The following SSBP2 variants were observed in gnomAD, a reference collection of about 807,000 sequenced individuals.
SSBP2 encodes the protein single-stranded DNA-binding protein 2.
In SSBP2, 17 loss-of-function variants were observed where a neutral mutation model predicts 61.8. That is an observed-to-expected ratio of 0.28 (90% CI 0.19 to 0.41). The LOEUF is 0.41. SSBP2 is among the 10% of genes least tolerant of loss of function. The probability of loss-of-function intolerance (pLI) is 1.00; values close to 1 mark genes in which losing one functional copy is unlikely to be tolerated. For synonymous variants in SSBP2, 139 were observed against 141.3 expected, an observed-to-expected ratio of 0.98 and a Z score of 0.12; for missense variants, 310 against 458.7, an observed-to-expected ratio of 0.68 and a Z score of 2.96.
chr5:81,515,908 C>A (rs1452067270), intron 4 of SSBP2, among the ~76,000 whole-genome samples: 1 of 151,338 alleles, frequency 6.6e-6, no homozygotes, highest in Non-Finnish European at 1.5e-5. Context: ...TTAATAAATT[C>A]AATAAGAATA....
At chr5:81,606,181 C>T (rs1245266601) in intron 4 of SSBP2, among the ~76,000 whole-genome samples, 1 of 152,086 alleles carries the variant, frequency 6.6e-6, no homozygotes, top group Non-Finnish European at 1.5e-5. Context: ...CTATTAAAAC[C>T]TCACAGGCAC....
chr5:81,467,113 G>A (rs1168372072), intron 8 of SSBP2, 48 bp from the exon 9 acceptor site: 1 of 1,253,896 alleles, frequency 8.0e-7, no homozygotes, highest in Non-Finnish European at 1.1e-6. Flanking sequence ...GGGAAAGAAA[G>A]GAGAGCACGT....
chr5:81,612,056 G>A (rs1241377293), intron 4 of SSBP2, among the ~76,000 whole-genome samples: 2 of 152,162 alleles, frequency 1.3e-5, no homozygotes, highest in Non-Finnish European at 2.9e-5. Context: ...GGAGGTGACA[G>A]ATAAGTTTAT....
At chr5:81,514,424 T>C (rs1768851271) in intron 4 of SSBP2, among the ~76,000 whole-genome samples, 1 of 152,098 alleles carries the variant, frequency 6.6e-6, no homozygotes. Context: ...AATAGGAGTA[T>C]GAAAAACTTT....
intron 3 of SSBP2, among the ~76,000 whole-genome samples, chr5:81,622,196 G>C (rs1746653636): frequency 6.6e-6 from 1 of 150,586 alleles, no homozygotes; most frequent in Non-Finnish European, 1.5e-5. Flanking sequence ...AAGTGAAGCA[G>C]ACTGGGGGGG....
At chr5:81,496,873 A>G (rs999733333) in intron 5 of SSBP2, among the ~76,000 whole-genome samples, 2 of 152,208 alleles carry the variant, frequency 1.3e-5, no homozygotes, top group Admixed American at 6.5e-5. Flanking sequence ...TTTTATGGTC[A>G]GTTGGTCACA....
intron 16 of SSBP2, 36 bp from the exon 17 acceptor site, chr5:81,420,569 T>G: frequency 6.3e-7 from 1 of 1,581,648 alleles, no homozygotes; most frequent in Non-Finnish European, 8.7e-7. Context: ...TTAACAACAA[T>G]TCTTTTAGAG....
At chr5:81,469,764 T>C (rs1008917292) in intron 8 of SSBP2, among the ~76,000 whole-genome samples, 8 of 151,964 alleles carry the variant, frequency 5.3e-5, no homozygotes, top group African/African-American at 1.9e-4. Context: ...ATTTAGTGAA[T>C]AATCTAAAGC....
chr5:81,521,952 T>G (rs1309321925), intron 4 of SSBP2, among the ~76,000 whole-genome samples: 1 of 152,024 alleles, frequency 6.6e-6, no homozygotes, highest in South Asian at 2.1e-4. Context: ...CATGGGAAAC[T>G]AGTACACTTG....
intron 1 of SSBP2, among the ~76,000 whole-genome samples, chr5:81,675,950 T>C (rs1013895245): frequency 6.6e-6 from 1 of 152,154 alleles, no homozygotes; most frequent in Admixed American, 6.6e-5. Flanking sequence ...TCAGACCCAC[T>C]ACGTCAGTCA....
At chr5:81,573,966 C>T (rs1457517728) in intron 4 of SSBP2, among the ~76,000 whole-genome samples, 3 of 151,998 alleles carry the variant, frequency 2.0e-5, no homozygotes, top group Non-Finnish European at 4.4e-5. Context: ...TGGTGAAACC[C>T]TGTCTCTACT....
intron 4 of SSBP2, among the ~76,000 whole-genome samples, chr5:81,585,008 A>G (rs1404366089): frequency 6.6e-6 from 1 of 152,144 alleles, no homozygotes; most frequent in Non-Finnish European, 1.5e-5. Flanking sequence ...TAATAGTCAT[A>G]TTTCATATAA....
chr5:81,713,794 T>C (rs902083957), intron 1 of SSBP2, among the ~76,000 whole-genome samples: 3 of 151,632 alleles, frequency 2.0e-5, no homozygotes, highest in Non-Finnish European at 2.9e-5. Flanking sequence ...ACAAAAAGAG[T>C]AACTTGGAAG....
chr5:81,540,204 T>A (rs1421327725), intron 4 of SSBP2, among the ~76,000 whole-genome samples: 2 of 152,198 alleles, frequency 1.3e-5, no homozygotes, highest in Non-Finnish European at 2.9e-5. Context: ...AATAAACATA[T>A]GTGTGCATGC....
intron 16 of SSBP2, among the ~76,000 whole-genome samples, chr5:81,425,993 A>T (rs1021987677): frequency 6.6e-6 from 1 of 152,238 alleles, no homozygotes; most frequent in Non-Finnish European, 1.5e-5. Context: ...CTGCTCAAAA[A>T]TATGTGCTTT....
At chr5:81,701,658 G>A (rs1158915939) in intron 1 of SSBP2, among the ~76,000 whole-genome samples, 1 of 152,046 alleles carries the variant, frequency 6.6e-6, no homozygotes, top group Non-Finnish European at 1.5e-5. Context: ...ATTTTATAAG[G>A]CCTTTTATTT....
At chr5:81,562,007 C>T (rs943986485) in intron 4 of SSBP2, among the ~76,000 whole-genome samples, 4 of 152,060 alleles carry the variant, frequency 2.6e-5, no homozygotes, top group South Asian at 2.1e-4. Context: ...CGAGTTCAAG[C>T]GATTCTCCTG....
intron 1 of SSBP2, among the ~76,000 whole-genome samples, chr5:81,747,191 G>C (rs1211584899): frequency 1.3e-5 from 2 of 152,172 alleles, no homozygotes; most frequent in Admixed American, 6.5e-5. Context: ...TGTCACATCT[G>C]ATTATGTAAT....
intron 1 of SSBP2, among the ~76,000 whole-genome samples, chr5:81,709,723 T>A (rs1754640469): frequency 6.6e-6 from 1 of 151,910 alleles, no homozygotes; most frequent in Admixed American, 6.6e-5. Flanking sequence ...ATTTTAAAAA[T>A]ATATCAATTT....
Sources: gnomAD v4.1 joint callset for allele counts (sites outside exome capture counted in the v4.1 genomes callset) on GRCh38, gnomAD v4.1.1 for gene constraint, MANE v1.5 for transcripts, NCBI Gene and HGNC (gene_info 2026-07-23, HGNC 2026-07-21) for gene names.